The following ZBTB20 variants were observed in gnomAD, a reference collection of about 807,000 sequenced individuals.
ZBTB20 encodes the protein zinc finger and BTB domain containing 20.
In ZBTB20, 9 loss-of-function variants were observed where a neutral mutation model predicts 56.9. That is an observed-to-expected ratio of 0.16 (90% CI 0.10 to 0.28). ZBTB20 has a LOEUF of 0.28. Ranked by LOEUF, ZBTB20 falls within the 10% of genes least tolerant of loss-of-function variation. ZBTB20 has a pLI of 1.00. For missense variants in ZBTB20, 655 were observed against 1,003.0 expected (o/e 0.65, Z 4.69); for synonymous variants, 417 against 420.7 (o/e 0.99, Z 0.11).
chr3:114,952,249 A>G (rs1302822092), intron 3 of ZBTB20, among the ~76,000 whole-genome samples: 2 of 152,008 alleles, frequency 1.3e-5, no homozygotes, highest in African/African-American at 4.8e-5. Flanking sequence ...TTAATGTGGG[A>G]GTTTATTAGT....
intron 7 of ZBTB20, among the ~76,000 whole-genome samples, chr3:114,489,159 A>T (rs778219864): frequency 2.6e-5 from 4 of 152,196 alleles, no homozygotes; most frequent in Non-Finnish European, 4.4e-5. Flanking sequence ...AACTAAATGT[A>T]TACTTTTTTA....
intron 2 of ZBTB20, among the ~76,000 whole-genome samples, chr3:115,000,570 G>T (rs1333420769): frequency 6.6e-6 from 1 of 151,398 alleles, no homozygotes; most frequent in Non-Finnish European, 1.5e-5. Context: ...TCCATAGGTT[G>T]GCTATATTCA....
At chr3:114,423,164 C>T (rs1034586622) in intron 7 of ZBTB20, among the ~76,000 whole-genome samples, 2 of 152,176 alleles carry the variant, frequency 1.3e-5, no homozygotes, top group Non-Finnish European at 2.9e-5. Context: ...CTAACTCCCT[C>T]TTTCACTGTC....
intron 5 of ZBTB20, among the ~76,000 whole-genome samples, chr3:114,720,531 C>T (rs527557666): frequency 5.9e-4 from 90 of 152,062 alleles, no homozygotes; most frequent in African/African-American, 2.1e-3. Flanking sequence ...AAGAAAGCAG[C>T]ATGATGACTG....
At chr3:114,615,544 G>C (rs1270748354) in intron 6 of ZBTB20, among the ~76,000 whole-genome samples, 1 of 152,162 alleles carries the variant, frequency 6.6e-6, no homozygotes, top group African/African-American at 2.4e-5. Context: ...ACTTTAAACT[G>C]AGTAGAGAAT....
chr3:114,482,552 A>C (rs2041675015), intron 7 of ZBTB20, among the ~76,000 whole-genome samples: 1 of 152,120 alleles, frequency 6.6e-6, no homozygotes, highest in East Asian at 1.9e-4. Flanking sequence ...TAATCTACAC[A>C]AATTTTTTGT....
intron 5 of ZBTB20, among the ~76,000 whole-genome samples, chr3:114,719,612 CT>C (rs1470934387): frequency 6.6e-6 from 1 of 152,226 alleles, no homozygotes; most frequent in East Asian, 1.9e-4. Flanking sequence ...AATTCTCTCC[CT>C]GATTAACAGA....
chr3:114,823,748 G>A (rs149012070), intron 4 of ZBTB20, among the ~76,000 whole-genome samples: 1,752 of 152,074 alleles, frequency 0.012, 16 homozygotes, highest in South Asian at 0.042. Context: ...AATATCTGCT[G>A]ATTTTATTTT....
intron 4 of ZBTB20, among the ~76,000 whole-genome samples, chr3:114,853,327 A>G (rs998629396): frequency 6.6e-6 from 1 of 152,122 alleles, no homozygotes; most frequent in African/African-American, 2.4e-5. Flanking sequence ...TACTCTCGAC[A>G]TTGTCCCTGT....
intron 6 of ZBTB20, chr3:114,519,673 C>A (rs2046412395): frequency 6.6e-6 from 1 of 152,110 alleles, no homozygotes; most frequent in African/African-American, 2.4e-5. Context: ...ACTAAGACTG[C>A]AGCATTGTGA....
chr3:115,002,543 C>T (rs139582822), intron 2 of ZBTB20, among the ~76,000 whole-genome samples: 133 of 151,436 alleles, frequency 8.8e-4, no homozygotes, highest in African/African-American at 3.0e-3. Flanking sequence ...AAGATCTGAA[C>T]AGACATCTCA....
intron 5 of ZBTB20, among the ~76,000 whole-genome samples, chr3:114,781,738 G>T (rs900105017): frequency 6.6e-6 from 1 of 152,112 alleles, no homozygotes; most frequent in African/African-American, 2.4e-5. Flanking sequence ...GAACCCAGTG[G>T]GAGATAACTG....
intron 4 of ZBTB20, among the ~76,000 whole-genome samples, chr3:114,886,825 G>A (rs1411410919): frequency 6.6e-6 from 1 of 152,158 alleles, no homozygotes; most frequent in Non-Finnish European, 1.5e-5. Context: ...ACAGAGGACA[G>A]GATAAACTTT....
Position 114,826,759 on chromosome 3 carries a change from CAG to C in ZBTB20, c.-416-25587_-416-25586del, listed in dbSNP as rs960685540. 8.0e-4 allele frequency among the ~76,000 whole-genome samples: 122 copies of C among 151,636 alleles called. 1 individual carries two copies. The highest frequency in any genetic ancestry group is 2.8e-3 in the African/African-American group (118 of 41,460). The stretch of plus-strand genomic sequence containing the variant: ...GTGACTTAAGCCTCCTACATGAAAG[CAG>C]AGATAGAAAAAAGATGACCTTGGAA... On this transcript the variant is annotated intron_variant, in intron 4 of 11. Coordinates refer to ENST00000675478, the MANE Select transcript of ZBTB20 (RefSeq NM_001348800.3).
chr3:114,523,376 T>A (rs540182456), intron 6 of ZBTB20, among the ~76,000 whole-genome samples: 1 of 152,172 alleles, frequency 6.6e-6, no homozygotes, highest in Admixed American at 6.5e-5. Flanking sequence ...ATAGTGACTA[T>A]ACGCATTTCT....
intron 6 of ZBTB20, among the ~76,000 whole-genome samples, chr3:114,584,372 T>C (rs1023384373): frequency 6.6e-6 from 1 of 152,234 alleles, no homozygotes; most frequent in Non-Finnish European, 1.5e-5. Flanking sequence ...AAAATCATTA[T>C]GGAAATCCTA....
chr3:114,344,049 A>C (rs1208131603), intron 11 of ZBTB20, among the ~76,000 whole-genome samples: 1 of 142,544 alleles, frequency 7.0e-6, no homozygotes, highest in Non-Finnish European at 1.5e-5. Flanking sequence ...ACTCCATCTC[A>C]AAAAAAAAAT....
intron 4 of ZBTB20, among the ~76,000 whole-genome samples, chr3:114,897,410 A>G (rs1241038275): frequency 6.6e-6 from 1 of 152,068 alleles, no homozygotes; most frequent in Non-Finnish European, 1.5e-5. Flanking sequence ...AAGAAATTAT[A>G]TCTAGTCATG....
chr3:114,726,651 G>A (rs894076350), intron 5 of ZBTB20, among the ~76,000 whole-genome samples: 2 of 151,962 alleles, frequency 1.3e-5, no homozygotes, highest in Admixed American at 6.6e-5. Flanking sequence ...GGTGGCTCAT[G>A]CCTGTAATCC....
Sources: allele counts gnomAD v4.1 joint callset (sites outside exome capture counted in the v4.1 genomes callset), GRCh38; gene constraint gnomAD v4.1.1; transcripts MANE v1.5; gene names NCBI Gene and HGNC (gene_info 2026-07-23, HGNC 2026-07-21).